The following SLC2A13 variants were observed in gnomAD, a reference collection of about 807,000 sequenced individuals.
The protein encoded by SLC2A13 is proton myo-inositol cotransporter.
SLC2A13 carries 32 observed loss-of-function variants against 64.4 expected under a neutral mutation model. That is an observed-to-expected ratio of 0.50 (90% CI 0.37 to 0.67). The LOEUF is 0.67. Among genes scored for constraint, SLC2A13 ranks in the 30% least tolerant of loss-of-function variants. The pLI is 0.00. For missense variants in SLC2A13, 743 were observed against 829.2 expected (o/e 0.90, Z 1.28); for synonymous variants, 338 against 327.1 (o/e 1.03, Z -0.36).
At chr12:39,764,918 C>T in intron 7 of SLC2A13, 60 bp from the exon 8 acceptor site, 1 of 1,553,486 alleles carries the variant, frequency 6.4e-7, no homozygotes, top group Non-Finnish European at 8.8e-7. Flanking sequence ...TGCAGAAATT[C>T]AATATGATCA....
intron 3 of SLC2A13, 135 bp from the exon 4 acceptor site, chr12:39,951,500 A>AT (rs138095078): frequency 0.037 from 21,375 of 584,308 alleles, 908 homozygotes; most frequent in East Asian, 0.13. Context: ...GAACAACTCT[A>AT]TTTTTACAGA....
intron 2 of SLC2A13, among the ~76,000 whole-genome samples, chr12:40,030,725 A>AG (rs1395137797): frequency 1.3e-5 from 2 of 152,176 alleles, no homozygotes; most frequent in Admixed American, 1.3e-4. Flanking sequence ...TTTTTTAAAC[A>AG]GAAAAAAAGA....
At chr12:40,099,076 T>C (rs2136305941) in intron 1 of SLC2A13, among the ~76,000 whole-genome samples, 1 of 152,342 alleles carries the variant, frequency 6.6e-6, no homozygotes, top group South Asian at 2.1e-4. Flanking sequence ...TGGCCTTTAA[T>C]AAAAGGCCTA....
At chr12:39,869,555 G>T (rs140363052) in intron 5 of SLC2A13, among the ~76,000 whole-genome samples, 1 of 152,308 alleles carries the variant, frequency 6.6e-6, no homozygotes, top group African/African-American at 2.4e-5. Context: ...TGAGGCCTTG[G>T]TGGGTTTCAG....
intron 4 of SLC2A13, among the ~76,000 whole-genome samples, chr12:39,906,503 GA>G (rs1945286641): frequency 6.6e-6 from 1 of 151,904 alleles, no homozygotes; most frequent in Non-Finnish European, 1.5e-5. Flanking sequence ...ACTGAAATAT[GA>G]AACTTGAAAA....
chr12:39,900,260 A>T (rs1592264158), intron 4 of SLC2A13, among the ~76,000 whole-genome samples: 1 of 152,150 alleles, frequency 6.6e-6, no homozygotes, highest in South Asian at 2.1e-4. Flanking sequence ...AACTGGAAGC[A>T]TTCCCTTTGA....
At chr12:39,821,536 C>G (rs972617023) in intron 7 of SLC2A13, among the ~76,000 whole-genome samples, 11 of 152,242 alleles carry the variant, frequency 7.2e-5, no homozygotes, top group Admixed American at 6.5e-4. Context: ...ATTTACAAAA[C>G]CCAAGCTTAA....
rs964659660 is a variant in SLC2A13, at chr12:40,031,053, C to T, written c.717-2544G>A. On this transcript the variant is annotated intron_variant, in intron 2 of 9. Transcript: ENST00000280871. Reference sequence around the variant, plus strand: ...AGAAAGCTTATTTTGTTTTAATTACCTTTCACGATGAAAATATTTTGATAT... The same window carrying T: ...AGAAAGCTTATTTTGTTTTAATTACTTTTCACGATGAAAATATTTTGATAT... 3.3e-5 allele frequency among the ~76,000 whole-genome samples: 5 copies of T among 152,214 alleles called. No homozygotes were observed. In the South Asian group the frequency reaches 8.3e-4, roughly 25 times the overall value.
At chr12:39,923,727 T>C (rs1051973113) in intron 4 of SLC2A13, among the ~76,000 whole-genome samples, 1 of 83,398 alleles carries the variant, frequency 1.2e-5, no homozygotes, top group Non-Finnish European at 2.9e-5. Flanking sequence ...CACACACATA[T>C]ATTTTAACAC....
At chr12:39,778,181 G>A (rs574798259) in intron 7 of SLC2A13, among the ~76,000 whole-genome samples, 1 of 152,340 alleles carries the variant, frequency 6.6e-6, no homozygotes, top group African/African-American at 2.4e-5. Context: ...TCCCATTTCA[G>A]AAGGACATTT....
intron 1 of SLC2A13, among the ~76,000 whole-genome samples, chr12:40,094,369 G>C (rs574577107): frequency 6.6e-6 from 1 of 152,178 alleles, no homozygotes; most frequent in South Asian, 2.1e-4. Flanking sequence ...GTAGAGAAGA[G>C]GAGAGCTCTG....
intron 1 of SLC2A13, among the ~76,000 whole-genome samples, chr12:40,079,830 T>C (rs1938326466): frequency 6.6e-6 from 1 of 152,234 alleles, no homozygotes; most frequent in African/African-American, 2.4e-5. Flanking sequence ...GTTTATTTAG[T>C]TGAACCATTT....
intron 3 of SLC2A13, among the ~76,000 whole-genome samples, chr12:39,989,738 G>C (rs1371929899): frequency 6.6e-6 from 1 of 152,182 alleles, no homozygotes; most frequent in Non-Finnish European, 1.5e-5. Flanking sequence ...AGAATACACT[G>C]TAGGGAAGCA....
At chr12:39,781,353 C>T (rs1403024622) in intron 7 of SLC2A13, among the ~76,000 whole-genome samples, 1 of 149,330 alleles carries the variant, frequency 6.7e-6, no homozygotes, top group Non-Finnish European at 1.5e-5. Flanking sequence ...TAAAAAGAGC[C>T]CAGCTTCCCA....
chr12:39,813,527 A>T (rs889171048), intron 7 of SLC2A13, among the ~76,000 whole-genome samples: 51 of 152,230 alleles, frequency 3.4e-4, no homozygotes, highest in African/African-American at 1.2e-3. Flanking sequence ...GACTTAAAAA[A>T]TATATAACAA....
At chr12:39,905,469 G>C (rs1945246761) in intron 4 of SLC2A13, among the ~76,000 whole-genome samples, 1 of 152,066 alleles carries the variant, frequency 6.6e-6, no homozygotes, top group Admixed American at 6.6e-5. Flanking sequence ...TTTTAATTAA[G>C]TTTCTAGAAG....
chr12:40,060,711 A>G (rs1000524408), intron 1 of SLC2A13, among the ~76,000 whole-genome samples: 1 of 152,206 alleles, frequency 6.6e-6, no homozygotes, highest in South Asian at 2.1e-4. Context: ...AGAAAAAAGT[A>G]TCTTTCAAGA....
chr12:39,763,628 C>A (rs556682595), intron 9 of SLC2A13, among the ~76,000 whole-genome samples: 1 of 152,056 alleles, frequency 6.6e-6, no homozygotes, highest in South Asian at 2.1e-4. Context: ...AAAGAGATTG[C>A]GGGGAGATGA....
In SLC2A13 at chr12:40,091,513, C is replaced by T. The variant is rs184603801; in HGVS notation, c.556+13740G>A. Among the ~76,000 whole-genome samples, 19 of 152,284 alleles carry T rather than the reference C, an allele frequency of 1.2e-4. No homozygotes were observed. In the East Asian group the frequency reaches 2.5e-3, roughly 20 times the overall value. On this transcript the variant is annotated intron_variant, in intron 1 of 9. Coordinates refer to ENST00000280871, the MANE Select transcript of SLC2A13 (RefSeq NM_052885.4). ...TTCAATTAAAGTTGAAATTGGCCAA[C>T]TACTGGCAACAAAGAATAATGGCAT...
Sources: allele counts gnomAD v4.1 joint callset (sites outside exome capture counted in the v4.1 genomes callset), GRCh38; gene constraint gnomAD v4.1.1; transcripts MANE v1.5; gene names NCBI Gene and HGNC (gene_info 2026-07-23, HGNC 2026-07-21).